Variants in SPATA31H1 observed in about 807,000 individuals in gnomAD.
SPATA31H1 encodes spermatogenesis-associated protein 31H1.
At chr2:27,548,194 C>T in the SPATA31H1 span, among the ~76,000 whole-genome samples, 1 of 151,708 alleles carries the variant, frequency 6.6e-6, no homozygotes, top group African/African-American at 2.4e-5. Context: ...TGGTCTGGAT[C>T]TCCTGACCTC....
chr2:27,550,934 G>A, the SPATA31H1 span, among the ~76,000 whole-genome samples: 6 of 151,316 alleles, frequency 4.0e-5, no homozygotes, highest in Admixed American at 2.6e-4. Flanking sequence ...CTGTCACCCA[G>A]GTTGGAGTGC....
the SPATA31H1 span, among the ~76,000 whole-genome samples, chr2:27,538,261 G>GGA: frequency 6.6e-6 from 1 of 152,122 alleles, no homozygotes; most frequent in Non-Finnish European, 1.5e-5. Flanking sequence ...TGTGCTTTGA[G>GGA]GAGCACTTCT....
the SPATA31H1 span, among the ~76,000 whole-genome samples, chr2:27,545,430 G>A: frequency 3.3e-5 from 5 of 151,966 alleles, no homozygotes; most frequent in Non-Finnish European, 5.9e-5. Context: ...TCTCCAATAG[G>A]AGAGGAATTG....
At chr2:27,555,639 A>G in the SPATA31H1 span, among the ~76,000 whole-genome samples, 1 of 151,882 alleles carries the variant, frequency 6.6e-6, no homozygotes, top group Non-Finnish European at 1.5e-5. Context: ...GTGTCACCGC[A>G]CTGCAGTGCG....
At chr2:27,564,177 T>C in the SPATA31H1 span, among the ~76,000 whole-genome samples, 2 of 152,234 alleles carry the variant, frequency 1.3e-5, no homozygotes, top group African/African-American at 2.4e-5. Context: ...GAGGATAGAC[T>C]CATGGTTAAA....
the SPATA31H1 span, chr2:27,566,979 A>C: frequency 1.4e-6 from 1 of 717,552 alleles, no homozygotes; most frequent in Non-Finnish European, 2.6e-6. Flanking sequence ...TTCCCACAAA[A>C]AGCAATCCTC....
the SPATA31H1 span, among the ~76,000 whole-genome samples, chr2:27,559,962 A>G: frequency 6.6e-5 from 10 of 151,548 alleles, no homozygotes; most frequent in African/African-American, 2.2e-4. Context: ...CCACCTCCCG[A>G]GTTCAAGCAA....
chr2:27,556,364 AC>A, the SPATA31H1 span, among the ~76,000 whole-genome samples: 1 of 151,224 alleles, frequency 6.6e-6, no homozygotes, highest in African/African-American at 2.4e-5. Flanking sequence ...ACAGACAGTT[AC>A]CATATACTCC....
chr2:27,543,988 C>T, the SPATA31H1 span, among the ~76,000 whole-genome samples: 1 of 151,768 alleles, frequency 6.6e-6, no homozygotes, highest in Non-Finnish European at 1.5e-5. Flanking sequence ...AAACTAAGTC[C>T]CTGCTGTGCA....
chr2:27,570,013 C>G, the SPATA31H1 span: 1 of 398,806 alleles, frequency 2.5e-6, no homozygotes, highest in Admixed American at 4.4e-5. Context: ...CCAGAGCCAA[C>G]ACATCAAAGT....
chr2:27,540,576 C>G, the SPATA31H1 span, among the ~76,000 whole-genome samples: 1 of 142,816 alleles, frequency 7.0e-6, no homozygotes, highest in Admixed American at 6.7e-5. Flanking sequence ...GGCGGAGACG[C>G]TCCTCACTTC....
the SPATA31H1 span, among the ~76,000 whole-genome samples, chr2:27,559,392 CTG>C: frequency 2.0e-5 from 3 of 152,180 alleles, no homozygotes; most frequent in Admixed American, 6.5e-5. Flanking sequence ...TCCCATAAAA[CTG>C]TGAAATTTCA....
the SPATA31H1 span, among the ~76,000 whole-genome samples, chr2:27,546,287 G>A: frequency 6.6e-6 from 1 of 151,688 alleles, no homozygotes; most frequent in African/African-American, 2.4e-5. Flanking sequence ...AGGCCATGAA[G>A]ATACCCTTCT....
the SPATA31H1 span, among the ~76,000 whole-genome samples, chr2:27,545,283 A>C: frequency 1.3e-5 from 2 of 151,934 alleles, no homozygotes; most frequent in African/African-American, 2.4e-5. Flanking sequence ...TTGGCCTCCC[A>C]AAGTGCTGGG....
the SPATA31H1 span, chr2:27,578,521 C>T: frequency 1.2e-6 from 2 of 1,613,984 alleles, no homozygotes; most frequent in Non-Finnish European, 1.7e-6. Context: ...GCAGAATTAA[C>T]TCCAAGTCCA....
chr2:27,577,467 A>G, the SPATA31H1 span: 1 of 1,614,148 alleles, frequency 6.2e-7, no homozygotes, highest in Non-Finnish European at 8.5e-7. The surrounding 1 kb of genome is among the most constrained non-coding windows in gnomAD (Gnocchi z 4.5). Context: ...AAAGCCAACA[A>G]GTCAAGCCAC....
chr2:27,576,440 G>A, the SPATA31H1 span: 3 of 656,204 alleles, frequency 4.6e-6, no homozygotes, highest in Non-Finnish European at 7.8e-6. Context: ...CTCAAGATGT[G>A]AAATCTGTGA....
the SPATA31H1 span, chr2:27,578,063 A>G: frequency 5.0e-6 from 8 of 1,614,074 alleles, no homozygotes; most frequent in Non-Finnish European, 6.8e-6. Context: ...AAGTTGCTCA[A>G]TCTGAAGAGG....
the SPATA31H1 span, among the ~76,000 whole-genome samples, chr2:27,543,797 G>A: frequency 1.3e-5 from 2 of 151,842 alleles, no homozygotes. Flanking sequence ...GAAGGGCTCC[G>A]GGACCCCCTA....
Sources: allele counts gnomAD v4.1 joint callset (sites outside exome capture counted in the v4.1 genomes callset), GRCh38; gene constraint gnomAD v4.1.1; non-coding constraint Gnocchi (gnomAD v3.1); transcripts MANE v1.5; gene names NCBI Gene and HGNC (gene_info 2026-07-23, HGNC 2026-07-21).